CAND1: variants seen among roughly 807,000 people sequenced by gnomAD.
CAND1 encodes the protein cullin associated and neddylation dissociated 1, also known as cullin-associated NEDD8-dissociated protein 1.
A neutral mutation model predicts 108.5 loss-of-function variants in CAND1; 7 were observed. That is an observed-to-expected ratio of 0.06 (90% CI 0.04 to 0.12). The LOEUF (loss-of-function observed/expected upper bound fraction) is 0.12. Ranked by LOEUF, CAND1 falls within the 10% of genes least tolerant of loss-of-function variation. CAND1 has a pLI of 1.00. For missense variants in CAND1, 941 were observed against 1,448.7 expected (o/e 0.65, Z 5.69); for synonymous variants, 534 against 512.0 (o/e 1.04, Z -0.58).
At chr12:67,309,543 AACT>A (rs1410917859) in intron 11 of CAND1, among the ~76,000 whole-genome samples, 1 of 151,908 alleles carries the variant, frequency 6.6e-6, no homozygotes, top group African/African-American at 2.4e-5. Context: ...GCTTTTAGTG[AACT>A]ACAAGGAGAA....
At chr12:67,272,290 A>C (rs769101873) in intron 1 of CAND1, among the ~76,000 whole-genome samples, 1 of 152,234 alleles carries the variant, frequency 6.6e-6, no homozygotes, top group Non-Finnish European at 1.5e-5. Context: ...GGTTCTAATC[A>C]TGTGTGATTC....
Position 67,269,419 on chromosome 12 carries a change from C to G in CAND1, c.-299C>G, listed in dbSNP as rs1413017622. ...GCGAGACGGCCCTGAGTGGAAGTGT[C>G]TGGCTCCCCGTAGAGGCCCTTCTGT... is the stretch of plus-strand genomic sequence containing the variant. On this transcript the variant is annotated 5_prime_UTR_variant, in exon 1 of 15. Transcript: ENST00000545606. 2.4e-6 allele frequency: 1 copy of G among 419,160 alleles called. No individual in the cohort carries two copies. The highest frequency in any genetic ancestry group is 4.2e-6 in the Non-Finnish European group (1 of 236,886). The allele number at this position is 419,160 out of a possible 1,614,324, so 26.0% of individuals were successfully genotyped here.
intron 2 of CAND1, among the ~76,000 whole-genome samples, chr12:67,286,726 G>T (rs970847012): frequency 2.0e-4 from 30 of 152,030 alleles, no homozygotes; most frequent in Admixed American, 6.5e-4. Context: ...TGTGTCCTAA[G>T]AAATCTTTGT....
At chr12:67,269,920 C>A in intron 1 of CAND1, 135 bp downstream of exon 1, 1 of 649,598 alleles carries the variant, frequency 1.5e-6, no homozygotes. Context: ...CCCACCGGTC[C>A]GCTGGCCTCC....
chr12:67,294,918 C>G, intron 3 of CAND1, 115 bp from the exon 4 acceptor site: 1 of 1,023,896 alleles, frequency 9.8e-7, no homozygotes, highest in Non-Finnish European at 1.4e-6. Context: ...TGCCCTGGAT[C>G]TGTTGTGTCT....
chr12:67,310,481 C>T (rs1024757551), intron 13 of CAND1, 165 bp downstream of exon 13: 5 of 498,564 alleles, frequency 1.0e-5, no homozygotes, highest in Admixed American at 7.1e-5. Flanking sequence ...GGCAGTGTAA[C>T]ACCAGTTGAC....
intron 8 of CAND1, 140 bp from the exon 9 acceptor site, chr12:67,304,465 A>G (rs2044858377): frequency 2.6e-6 from 2 of 768,842 alleles, no homozygotes; most frequent in African/African-American, 1.7e-5. Context: ...TTGTGTTAGC[A>G]ATAGCAATAG....
Position 67,305,006 on chromosome 12 carries a change from T to G in CAND1, c.1436-98T>G, listed in dbSNP as rs1046553841. On this transcript the variant is annotated intron_variant, in intron 9 of 14. Transcript: ENST00000545606. The surrounding 1 kb of genome is among the most constrained non-coding windows in gnomAD (Gnocchi z 4.4). ...ATTTCTACTTATAGAAATAATATAATGAAGTGGGAACATTAGCAGTACTAT... is the reference window on the plus strand; with the variant it reads ...ATTTCTACTTATAGAAATAATATAAGGAAGTGGGAACATTAGCAGTACTAT... 6.4e-5 allele frequency: 65 copies of G among 1,016,134 alleles called. No individual in the cohort carries two copies. Among genetic ancestry groups the G allele is most frequent in the Non-Finnish European group, 9.1e-5 (64 of 704,216 alleles). 62.9% of individuals were successfully genotyped at this position (1,016,134 alleles called of 1,614,324 possible). A position where few individuals can be genotyped will look rare whatever the true frequency, so the allele number is the denominator to read the frequency against.
intron 11 of CAND1, among the ~76,000 whole-genome samples, chr12:67,308,358 T>C (rs960492707): frequency 3.9e-5 from 6 of 152,112 alleles, no homozygotes; most frequent in Non-Finnish European, 8.8e-5. Flanking sequence ...CTAGAAATTA[T>C]TTAAAGTCTA....
At chr12:67,311,566 G>A in intron 13 of CAND1, 127 bp from the exon 14 acceptor site, 1 of 638,624 alleles carries the variant, frequency 1.6e-6, no homozygotes, top group East Asian at 2.8e-5. Context: ...CTGATTGGCA[G>A]ATTACATTAA....
In CAND1 at chr12:67,312,677, A is replaced by C. The variant is rs189345578; in HGVS notation, c.3540A>C (p.Val1180=). ...DELKRSAMRA[V]AALLTIPEAE... is the part of the protein sequence containing the mutation. The stretch of plus-strand genomic sequence containing the variant: ...TAAAGCGATCTGCCATGAGAGCAGT[A>C]GCAGCACTGCTAACCATTCCAGAAG... The change falls in exon 15 of 15, where the codon GTA becomes GTC. Residue 1180 remains valine (V), a synonymous_variant. Coordinates refer to ENST00000545606, the MANE Select transcript of CAND1 (RefSeq NM_018448.5). 1 of 1,613,670 alleles carries C rather than the reference A, an allele frequency of 6.2e-7. No individual in the cohort carries two copies. The highest frequency in any genetic ancestry group is 1.7e-5 in the Admixed American group (1 of 59,986).
intron 2 of CAND1, among the ~76,000 whole-genome samples, chr12:67,285,687 A>G (rs2044663651): frequency 1.3e-5 from 2 of 152,212 alleles, no homozygotes; most frequent in East Asian, 1.9e-4. Context: ...GTATAATTTT[A>G]TCATACAACA....
intron 2 of CAND1, among the ~76,000 whole-genome samples, chr12:67,283,487 G>A (rs983002447): frequency 6.6e-6 from 1 of 151,788 alleles, no homozygotes; most frequent in African/African-American, 2.4e-5. Context: ...GGAGGCTGAG[G>A]CAGCAGAATC....
intron 8 of CAND1, 148 bp downstream of exon 8, chr12:67,302,763 A>G (rs888954622): frequency 6.3e-6 from 4 of 632,924 alleles, no homozygotes; most frequent in African/African-American, 3.7e-5. Context: ...TGTTCATATT[A>G]TGTTAGTTGT....
Position 67,305,218 on chromosome 12 carries a change from T to C in CAND1, c.1550T>C (p.Val517Ala), listed in dbSNP as rs1369400216. Reference protein sequence around the residue: ...NHSPQVFHPHVQALVPPVVAC... With the variant: ...NHSPQVFHPHAQALVPPVVAC... ...TCTCCTCAAGTCTTCCATCCTCACG[T>C]TCAGGCTTTGGTTCCTCCAGTGGTG... Residue 517 changes from valine to alanine, a missense_variant, in exon 10 of 15, where the codon GTT becomes GCT. Transcript: ENST00000545606. This position sits in a 1 kb window ranked among gnomAD's most constrained non-coding sequence, Gnocchi z 4.4. The C allele has an allele frequency of 2.5e-6, 4 of 1,614,172 alleles. No homozygotes were observed. Among genetic ancestry groups the C allele is most frequent in the Non-Finnish European group, 2.5e-6 (3 of 1,180,040 alleles).
intron 8 of CAND1, among the ~76,000 whole-genome samples, chr12:67,304,011 G>A (rs1315231988): frequency 7.3e-6 from 1 of 137,920 alleles, no homozygotes; most frequent in South Asian, 2.3e-4. Context: ...TTTTTTTTGA[G>A]ATGGAGTCTT....
intron 2 of CAND1, among the ~76,000 whole-genome samples, chr12:67,284,484 T>C (rs560401477): frequency 2.0e-5 from 3 of 152,200 alleles, no homozygotes; most frequent in African/African-American, 2.4e-5. Flanking sequence ...AGAGTCAACA[T>C]TGAATCTTGA....
intron 14 of CAND1, among the ~76,000 whole-genome samples, chr12:67,312,099 G>A (rs1367469894): frequency 6.6e-6 from 1 of 152,032 alleles, no homozygotes; most frequent in Non-Finnish European, 1.5e-5. Flanking sequence ...TTTAATTCTG[G>A]TTGGAAGGGG....
rs774528669 is a variant in CAND1, at chr12:67,269,799, C to CCGA, written c.68+16_68+18dup. 6.3e-7 allele frequency: 1 copy of CCGA among 1,597,186 alleles called. No individual in the cohort carries two copies. Among genetic ancestry groups the CCGA allele is most frequent in the South Asian group, 1.1e-5 (1 of 88,570 alleles). ...CAAGGACTTTAGGTGAGGCCGAGAT[C>CCGA]CGACCCTCACCCCACCTCGGGGTTC... is the stretch of plus-strand genomic sequence containing the variant. On this transcript the variant is annotated intron_variant, in intron 1 of 14. Coordinates refer to ENST00000545606, the MANE Select transcript of CAND1 (RefSeq NM_018448.5).
Sources: allele counts gnomAD v4.1 joint callset (sites outside exome capture counted in the v4.1 genomes callset), GRCh38; gene constraint gnomAD v4.1.1; non-coding constraint Gnocchi (gnomAD v3.1); transcripts MANE v1.5; gene names NCBI Gene and HGNC (gene_info 2026-07-23, HGNC 2026-07-21).